The following GABRG1 variants were observed in gnomAD, a reference collection of about 807,000 sequenced individuals.
GABRG1 encodes gamma-aminobutyric acid type A receptor subunit gamma1, also known as gamma-aminobutyric acid receptor subunit gamma-1.
GABRG1 carries 49 observed loss-of-function variants against 49.8 expected under a neutral mutation model. That is an observed-to-expected ratio of 0.98 (90% CI 0.78 to 1.25). The LOEUF (loss-of-function observed/expected upper bound fraction) is 1.25. Among genes scored for constraint, GABRG1 ranks in the 50% most tolerant of loss-of-function variants. GABRG1 has a pLI of 0.00. For synonymous variants in GABRG1, 232 were observed against 185.1 expected, an observed-to-expected ratio of 1.25 and a Z score of -2.06; for missense variants, 552 against 552.3, an observed-to-expected ratio of 1.00 and a Z score of 0.01.
At chr4:46,120,326 T>G (rs556409843) in intron 1 of GABRG1, among the ~76,000 whole-genome samples, 21 of 151,892 alleles carry the variant, frequency 1.4e-4, no homozygotes, top group African/African-American at 5.1e-4. Context: ...GGCCTCCACC[T>G]TCATCCTTAT....
chr4:46,066,931 T>A (rs565304684), intron 3 of GABRG1, among the ~76,000 whole-genome samples: 1 of 151,858 alleles, frequency 6.6e-6, no homozygotes, highest in Non-Finnish European at 1.5e-5. Context: ...TGTGTATGTA[T>A]ATACTTTTGA....
chr4:46,064,800 A>G (rs939162871), intron 4 of GABRG1, among the ~76,000 whole-genome samples: 2 of 152,130 alleles, frequency 1.3e-5, no homozygotes, highest in African/African-American at 2.4e-5. Flanking sequence ...TCATACTTCA[A>G]TATGTCAGCA....
chr4:46,044,769 C>A (rs1300340394), intron 8 of GABRG1, among the ~76,000 whole-genome samples: 1 of 152,040 alleles, frequency 6.6e-6, no homozygotes, highest in African/African-American at 2.4e-5. Context: ...CTCCTTTGAA[C>A]TATGGTTCAC....
chr4:46,058,549 C>A lies in GABRG1; in HGVS notation c.699G>T (p.Trp233Cys). ...CTACAAATGCAAACTGATATAATCT[C>A]CAGTATTTAGGATCAGCCACTTCTA... The part of the protein sequence containing the change: ...PSVEVADPKY[W>C]RLYQFAFVGL... Residue 233 changes from tryptophan to cysteine, a missense_variant, in exon 6 of 9, where the codon TGG (tryptophan) becomes TGT (cysteine). By Grantham distance (215) the Trp-to-Cys change is radical (BLOSUM62 -2). Transcript: ENST00000295452. 6.2e-7 allele frequency: 1 copy of A among 1,613,072 alleles called. No homozygotes were observed. Among genetic ancestry groups the A allele is most frequent in the Non-Finnish European group, 8.5e-7 (1 of 1,179,348 alleles).
At chr4:46,050,586 C>G (rs183624004) in intron 8 of GABRG1, among the ~76,000 whole-genome samples, 1 of 151,802 alleles carries the variant, frequency 6.6e-6, no homozygotes, top group Non-Finnish European at 1.5e-5. Context: ...TAAATGTTTT[C>G]TTGTTAATTT....
At chr4:46,061,954 C>T (rs1246430542) in intron 5 of GABRG1, among the ~76,000 whole-genome samples, 1 of 151,008 alleles carries the variant, frequency 6.6e-6, no homozygotes, top group Non-Finnish European at 1.5e-5. Context: ...TATACATGTG[C>T]CATGCTGGTG....
At chr4:46,117,589 T>TC (rs1356938194) in intron 1 of GABRG1, among the ~76,000 whole-genome samples, 82 of 142,716 alleles carry the variant, frequency 5.7e-4, no homozygotes, top group African/African-American at 1.9e-3. Flanking sequence ...TCTGTCTCTC[T>TC]TTGTCTCTCT....
intron 3 of GABRG1, among the ~76,000 whole-genome samples, chr4:46,078,101 GAAGAA>G (rs1471079447): frequency 1.3e-5 from 2 of 151,484 alleles, no homozygotes; most frequent in Non-Finnish European, 2.9e-5. Flanking sequence ...AATATATGCA[GAAGAA>G]AAGAAATTAA....
At chr4:46,120,973 G>A (rs1721075384) in intron 1 of GABRG1, among the ~76,000 whole-genome samples, 2 of 151,742 alleles carry the variant, frequency 1.3e-5, no homozygotes, top group Admixed American at 6.6e-5. Context: ...AAGCTGAAGA[G>A]ATTCTAAAGA....
At chr4:46,049,501 AGT>A (rs1718131470) in intron 8 of GABRG1, among the ~76,000 whole-genome samples, 2 of 151,944 alleles carry the variant, frequency 1.3e-5, no homozygotes, top group African/African-American at 2.4e-5. Context: ...GTACTCAAGT[AGT>A]CAATTATAAT....
At chr4:46,068,702 C>T (rs983615536) in intron 3 of GABRG1, among the ~76,000 whole-genome samples, 3 of 151,876 alleles carry the variant, frequency 2.0e-5, no homozygotes, top group African/African-American at 4.8e-5. Flanking sequence ...AAATCTATGC[C>T]ATGTTACACG....
chr4:46,060,379 C>A (rs78899798), intron 5 of GABRG1, among the ~76,000 whole-genome samples: 1 of 151,952 alleles, frequency 6.6e-6, no homozygotes. Context: ...TCTTACAATA[C>A]CATCAAAGCA....
Sources: allele counts gnomAD v4.1 joint callset (sites outside exome capture counted in the v4.1 genomes callset), GRCh38; gene constraint gnomAD v4.1.1; transcripts MANE v1.5; gene names NCBI Gene and HGNC (gene_info 2026-07-23, HGNC 2026-07-21).